PDE4B: variants seen among roughly 807,000 people sequenced by gnomAD.
The protein encoded by PDE4B is phosphodiesterase 4B.
In PDE4B, 20 loss-of-function variants were observed where a neutral mutation model predicts 82.2. The observed-to-expected ratio is 0.24, with a 90% CI of 0.17 to 0.35. The LOEUF is 0.35. PDE4B is among the 10% of genes least tolerant of loss of function. The pLI, the probability that PDE4B is intolerant of heterozygous loss-of-function variation, is 1.00. For synonymous variants in PDE4B, 320 were observed against 318.9 expected, an observed-to-expected ratio of 1.00 and a Z score of -0.04; for missense variants, 655 against 907.2, an observed-to-expected ratio of 0.72 and a Z score of 3.57.
At chr1:66,132,540 T>A (rs952305180) in intron 3 of PDE4B, among the ~76,000 whole-genome samples, 2 of 152,158 alleles carry the variant, frequency 1.3e-5, no homozygotes, top group African/African-American at 4.8e-5. Flanking sequence ...TCTCATTTGT[T>A]GTTGGTGCTA....
intron 9 of PDE4B, among the ~76,000 whole-genome samples, chr1:66,357,007 A>G (rs1662303940): frequency 6.6e-6 from 1 of 152,200 alleles, no homozygotes; most frequent in Non-Finnish European, 1.5e-5. Context: ...TCTGCTGAGC[A>G]TTTCAGATAT....
intron 4 of PDE4B, 153 bp from the exon 5 acceptor site, chr1:66,257,494 C>A (rs770071189): frequency 4.8e-6 from 4 of 832,006 alleles, no homozygotes; most frequent in South Asian, 4.0e-5. Context: ...AATACCCTTT[C>A]GTGCCAAATT....
chr1:66,006,969 T>TA (rs202078747), intron 3 of PDE4B, among the ~76,000 whole-genome samples: 2 of 151,624 alleles, frequency 1.3e-5, no homozygotes, highest in Admixed American at 6.6e-5. Context: ...CTACAAAAAT[T>TA]AAAAAAATAA....
chr1:65,960,798 G>T (rs1000339598), intron 3 of PDE4B, among the ~76,000 whole-genome samples: 12 of 152,036 alleles, frequency 7.9e-5, no homozygotes, highest in Admixed American at 1.3e-4. Context: ...AAGTTTAGGA[G>T]TAAACAGAAA....
chr1:66,047,980 C>A (rs989855311), intron 3 of PDE4B, among the ~76,000 whole-genome samples: 1 of 151,880 alleles, frequency 6.6e-6, no homozygotes, highest in Non-Finnish European at 1.5e-5. Context: ...TTCCACAGAG[C>A]ATGCATACAC....
At chr1:66,372,142 G>A (rs929732805) in intron 16 of PDE4B, among the ~76,000 whole-genome samples, 171 bp from the exon 17 acceptor site, 6 of 152,244 alleles carry the variant, frequency 3.9e-5, no homozygotes, top group South Asian at 2.1e-4. Context: ...AGAATACATC[G>A]ATTGCATTCA....
chr1:65,887,247 TTTTCTTTCTTTCTTTCCTTCC>T (rs1646794790), intron 1 of PDE4B, among the ~76,000 whole-genome samples: 1 of 37,700 alleles, frequency 2.7e-5, no homozygotes, highest in African/African-American at 1.1e-4. Context: ...TCTTTCTTTC[TTTTCTTTCTTTCTTTCCTTCC>T]TTCTTTCTTT....
At chr1:66,009,454 C>A (rs1200785378) in intron 3 of PDE4B, among the ~76,000 whole-genome samples, 1 of 152,170 alleles carries the variant, frequency 6.6e-6, no homozygotes, top group Non-Finnish European at 1.5e-5. Context: ...TCAGTTGTTT[C>A]ATTCCTCTAT....
chr1:65,996,729 A>C, intron 3 of PDE4B, among the ~76,000 whole-genome samples: 1 of 151,128 alleles, frequency 6.6e-6, no homozygotes, highest in South Asian at 2.1e-4. Context: ...CACTATCTCA[A>C]ATTTCAAAAT....
At chr1:66,108,349 TA>T (rs1395282149) in intron 3 of PDE4B, among the ~76,000 whole-genome samples, 1 of 152,000 alleles carries the variant, frequency 6.6e-6, no homozygotes, top group Non-Finnish European at 1.5e-5. Context: ...GTGAAACTAC[TA>T]GAAGAAAACA....
intron 3 of PDE4B, among the ~76,000 whole-genome samples, chr1:66,077,766 C>T (rs1440851243): frequency 6.6e-6 from 1 of 152,154 alleles, no homozygotes; most frequent in Non-Finnish European, 1.5e-5. Flanking sequence ...AATAAATAGA[C>T]TTCCCGATTC....
chr1:66,029,124 G>A (rs140369038), intron 3 of PDE4B, among the ~76,000 whole-genome samples: 116 of 152,290 alleles, frequency 7.6e-4, no homozygotes, highest in African/African-American at 2.5e-3. Context: ...AGTTCCACAT[G>A]GCTGCAGAGG....
intron 9 of PDE4B, 141 bp downstream of exon 9, chr1:66,355,761 A>G (rs780384634): frequency 5.9e-6 from 3 of 510,100 alleles, no homozygotes; most frequent in Non-Finnish European, 1.1e-5. Flanking sequence ...AACTAAGGCC[A>G]GTCTTCAAAA....
At chr1:66,201,115 T>G (rs1463782788) in intron 3 of PDE4B, among the ~76,000 whole-genome samples, 1 of 152,260 alleles carries the variant, frequency 6.6e-6, no homozygotes, top group Non-Finnish European at 1.5e-5. Context: ...ATGTGGTTTT[T>G]GTCTTTGGTT....
intron 3 of PDE4B, among the ~76,000 whole-genome samples, chr1:66,227,969 A>G (rs1651589521): frequency 6.6e-6 from 1 of 152,134 alleles, no homozygotes; most frequent in Non-Finnish European, 1.5e-5. Context: ...TGCTTTATGA[A>G]AGCTTTGTAT....
At chr1:66,232,105 C>G (rs966416621) in intron 3 of PDE4B, among the ~76,000 whole-genome samples, 6 of 152,214 alleles carry the variant, frequency 3.9e-5, no homozygotes, top group Admixed American at 3.3e-4. Flanking sequence ...ACAGCAAAGC[C>G]TGGAGACTGA....
chr1:66,268,148 A>T (rs898609506), intron 7 of PDE4B, among the ~76,000 whole-genome samples: 1 of 152,216 alleles, frequency 6.6e-6, no homozygotes, highest in African/African-American at 2.4e-5. Flanking sequence ...TTGCTCAGAA[A>T]GCCTGACTTA....
intron 3 of PDE4B, among the ~76,000 whole-genome samples, chr1:65,960,365 A>G (rs945390384): frequency 3.3e-5 from 5 of 152,174 alleles, no homozygotes; most frequent in Non-Finnish European, 4.4e-5. Flanking sequence ...AGCATTCTAT[A>G]TTAACTTTTG....
intron 1 of PDE4B, among the ~76,000 whole-genome samples, chr1:65,887,235 TTTCTTTCTTTC>T (rs1646793193): frequency 5.6e-5 from 1 of 17,802 alleles, no homozygotes; most frequent in Admixed American, 7.9e-4. Context: ...TCTTTCTTTC[TTTCTTTCTTTC>T]TTTTCTTTCT....
Sources: allele counts gnomAD v4.1 joint callset (sites outside exome capture counted in the v4.1 genomes callset), GRCh38; gene constraint gnomAD v4.1.1; transcripts MANE v1.5; gene names NCBI Gene and HGNC (gene_info 2026-07-23, HGNC 2026-07-21).